LRRC7: variants seen among roughly 807,000 people sequenced by gnomAD.
The protein encoded by LRRC7 is leucine-rich repeat-containing protein 7.
A neutral mutation model predicts 175.7 loss-of-function variants in LRRC7; 23 were observed. The ratio of observed to expected loss-of-function variants is 0.13; its 90% CI spans 0.09 to 0.19. The LOEUF (loss-of-function observed/expected upper bound fraction) is 0.19, where lower values mean the gene tolerates loss of function less well. LRRC7 is among the 10% of genes least tolerant of loss of function. The pLI is 1.00. For missense variants in LRRC7, 1,354 were observed against 1,904.7 expected (o/e 0.71, Z 5.38); for synonymous variants, 685 against 680.9 (o/e 1.01, Z -0.09).
chr1:69,903,225 G>A (rs935646469), intron 7 of LRRC7, among the ~76,000 whole-genome samples: 3 of 152,158 alleles, frequency 2.0e-5, no homozygotes, highest in African/African-American at 7.2e-5. Context: ...GCAGCTCCCA[G>A]AAGAGACCAA....
chr1:70,019,495 T>C lies in LRRC7; in HGVS notation c.1420+677T>C, dbSNP rs534612681. ...CTGATATGAACATTTTCTATAGTTA[T>C]GGAGTAACAATAATTCTTGGAAGAG... On this transcript the variant is annotated intron_variant, in intron 15 of 26. Transcript: ENST00000651989. Among the ~76,000 whole-genome samples, 4 of 152,154 alleles carry C rather than the reference T, an allele frequency of 2.6e-5. No individual in the cohort carries two copies. The South Asian group carries it at 8.3e-4, about 32-fold the overall frequency.
chr1:69,747,275 G>A (rs1012879408), intron 2 of LRRC7, among the ~76,000 whole-genome samples: 3 of 152,242 alleles, frequency 2.0e-5, no homozygotes, highest in East Asian at 1.9e-4. Context: ...AAAATGATAA[G>A]GAAAGTAACT....
At chr1:69,989,743 AT>A (rs1553185451) in intron 10 of LRRC7, among the ~76,000 whole-genome samples, 1 of 152,144 alleles carries the variant, frequency 6.6e-6, no homozygotes. Context: ...AGTTGATATT[AT>A]TTTTCAACAT....
At chr1:69,687,539 G>T (rs867386878) in intron 2 of LRRC7, among the ~76,000 whole-genome samples, 2 of 90,398 alleles carry the variant, frequency 2.2e-5, no homozygotes, top group Admixed American at 1.0e-4. Context: ...AAAAAAAAAA[G>T]AAAAAAGAAA....
intron 7 of LRRC7, among the ~76,000 whole-genome samples, chr1:69,880,235 C>G (rs1254094642): frequency 1.3e-5 from 2 of 152,254 alleles, no homozygotes; most frequent in East Asian, 1.9e-4. Flanking sequence ...GAAAAGACAA[C>G]AGTCACTGCA....
chr1:70,043,502 G>A (rs1414770509), intron 21 of LRRC7, among the ~76,000 whole-genome samples: 1 of 152,128 alleles, frequency 6.6e-6, no homozygotes, highest in East Asian at 1.9e-4. Flanking sequence ...CAATGCATTA[G>A]CTTAAGACAA....
rs1171485776 is a variant in LRRC7 at position 70,039,109 on chromosome 1, G to A, written c.3285G>A (p.Glu1095=). 2 of 1,613,984 alleles carry A rather than the reference G, an allele frequency of 1.2e-6. No individual in the cohort carries two copies. Among genetic ancestry groups the A allele is most frequent in the Non-Finnish European group, 1.7e-6 (2 of 1,180,022 alleles). Residue 1095 remains glutamate, a synonymous_variant, in exon 21 of 27, where the codon GAG becomes GAA. Coordinates refer to ENST00000651989, the MANE Select transcript of LRRC7 (RefSeq NM_001370785.2). ...CACCCCCTTTTCAACACAATCCCGA[G>A]TACGTGCAACAGGCCAGCAAAAACA... ...RIPPPFQHNP[E]YVQQASKNIA... is the part of the protein sequence containing the mutation.
chr1:69,642,506 AC>A (rs1240063464), intron 1 of LRRC7, among the ~76,000 whole-genome samples: 1 of 152,058 alleles, frequency 6.6e-6, no homozygotes, highest in Non-Finnish European at 1.5e-5. Context: ...TTTTAGGCAG[AC>A]AAGACAGAAT....
intron 15 of LRRC7, among the ~76,000 whole-genome samples, chr1:70,019,541 C>T (rs1456258476): frequency 4.0e-5 from 6 of 151,870 alleles, no homozygotes; most frequent in African/African-American, 7.2e-5. Context: ...TTAATCCAGC[C>T]ATGGATTAAA....
rs139594596 is a variant in LRRC7 at position 69,591,888 on chromosome 1, T to G, written c.2+23247T>G. Among the ~76,000 whole-genome samples, 60 of 152,132 alleles carry G rather than the reference T, an allele frequency of 3.9e-4. No homozygotes were observed. In the Middle Eastern group the frequency reaches 0.017, roughly 43 times the overall value. On this transcript the variant is annotated intron_variant, in intron 1 of 26. Transcript: ENST00000651989. ...TTACCTCAGTAATACAAAAACTCCC[T>G]CCCCCATATCATTTCTTCTTTTATT...
chr1:69,735,459 T>C (rs1185853649), intron 2 of LRRC7, among the ~76,000 whole-genome samples: 1 of 152,122 alleles, frequency 6.6e-6, no homozygotes, highest in East Asian at 1.9e-4. Context: ...ACTAGATTGT[T>C]GGTGCTTGTG....
At chr1:69,980,989 A>G (rs1047990582) in intron 9 of LRRC7, among the ~76,000 whole-genome samples, 4 of 152,192 alleles carry the variant, frequency 2.6e-5, no homozygotes, top group African/African-American at 9.7e-5. Flanking sequence ...TTCCTCAACT[A>G]AAGTCCAGCC....
chr1:69,993,007 G>C lies in LRRC7; in HGVS notation c.932-1554G>C, dbSNP rs17131105. ...AGCTCCACTGGCAGGCAGGACACTC[G>C]TCTGATCCAGGCTACCAAGTCACAA... On this transcript the variant is annotated intron_variant, in intron 10 of 26. Transcript: ENST00000651989. Among the ~76,000 whole-genome samples the C allele has an allele frequency of 7.5e-3, 1,136 of 152,200 alleles. 14 individuals are homozygous for C. Among genetic ancestry groups the C allele is most frequent in the African/African-American group, 0.026 (1,086 of 41,546 alleles).
rs1321185995 is a variant in LRRC7 at position 70,019,751 on chromosome 1, A to AT, written c.1420+938dup. On this transcript the variant is annotated intron_variant, in intron 15 of 26. Coordinates refer to ENST00000651989, the MANE Select transcript of LRRC7 (RefSeq NM_001370785.2). ...AAAAGAAAAGATTGTTTTAATATGT[A>AT]TTTTTATAAGTCAATAAAATTAACC... 3.3e-5 allele frequency among the ~76,000 whole-genome samples: 5 copies of AT among 152,098 alleles called. No individual in the cohort carries two copies. In the East Asian group the frequency reaches 9.6e-4, roughly 29 times the overall value.
chr1:69,960,464 T>C (rs540682454), intron 8 of LRRC7, among the ~76,000 whole-genome samples: 1 of 152,290 alleles, frequency 6.6e-6, no homozygotes, highest in Non-Finnish European at 1.5e-5. Context: ...CCAAATGGTT[T>C]GTCCCTTCTC....
intron 1 of LRRC7, among the ~76,000 whole-genome samples, chr1:69,657,249 C>T (rs1656738906): frequency 6.6e-6 from 1 of 151,702 alleles, no homozygotes; most frequent in African/African-American, 2.4e-5. Flanking sequence ...ATCTGAAAGA[C>T]TAAAAGAATA....
chr1:69,778,650 C>T (rs559701682), intron 3 of LRRC7, among the ~76,000 whole-genome samples: 2 of 152,072 alleles, frequency 1.3e-5, no homozygotes, highest in East Asian at 3.9e-4. Flanking sequence ...ATGGAACTAG[C>T]TCAATAATGT....
intron 22 of LRRC7, 30 bp from the exon 23 acceptor site, chr1:70,052,996 C>T: frequency 6.3e-7 from 1 of 1,574,808 alleles, no homozygotes; most frequent in South Asian, 1.2e-5. Context: ...TACTACATCA[C>T]TAAAGAATGC....
chr1:70,040,828 T>C (rs1659827197), intron 21 of LRRC7, among the ~76,000 whole-genome samples: 1 of 151,428 alleles, frequency 6.6e-6, no homozygotes, highest in African/African-American at 2.4e-5. Flanking sequence ...AAAAAAAAAA[T>C]AAATTGTGTC....
Sources: gnomAD v4.1 joint callset for allele counts (sites outside exome capture counted in the v4.1 genomes callset) on GRCh38, gnomAD v4.1.1 for gene constraint, MANE v1.5 for transcripts, NCBI Gene and HGNC (gene_info 2026-07-23, HGNC 2026-07-21) for gene names.